PAFAH1B1: variants seen among roughly 807,000 people sequenced by gnomAD.
PAFAH1B1 encodes platelet activating factor acetylhydrolase 1b regulatory subunit 1, also known as platelet-activating factor acetylhydrolase IB subunit beta.
In PAFAH1B1, 2 loss-of-function variants were observed where a neutral mutation model predicts 57.5. The ratio of observed to expected loss-of-function variants is 0.03; its 90% CI spans 0.01 to 0.11. The LOEUF is 0.11. Among genes scored for constraint, PAFAH1B1 ranks in the 10% least tolerant of loss-of-function variants. The probability of loss-of-function intolerance (pLI) is 1.00; values close to 1 mark genes in which losing one functional copy is unlikely to be tolerated. For synonymous variants in PAFAH1B1, 152 were observed against 169.6 expected (o/e 0.90, Z 0.81); for missense variants, 257 against 512.0 (o/e 0.50, Z 4.81).
intron 2 of PAFAH1B1, among the ~76,000 whole-genome samples, chr17:2,645,823 C>G (rs529861803): frequency 2.0e-5 from 3 of 151,216 alleles, no homozygotes; most frequent in Non-Finnish European, 4.4e-5. Context: ...CCAGGATGGT[C>G]TCACTCTCCT....
At chr17:2,603,157 A>G (rs1382980629) in intron 1 of PAFAH1B1, among the ~76,000 whole-genome samples, 1 of 152,036 alleles carries the variant, frequency 6.6e-6, no homozygotes, top group East Asian at 1.9e-4. Context: ...ACATTTTGAC[A>G]AAAGAATGAT....
At chr17:2,599,062 A>G (rs746970831) in intron 1 of PAFAH1B1, among the ~76,000 whole-genome samples, 1 of 152,224 alleles carries the variant, frequency 6.6e-6, no homozygotes, top group Non-Finnish European at 1.5e-5. Context: ...AGATAGGACT[A>G]ATCTGCATTT....
intron 1 of PAFAH1B1, among the ~76,000 whole-genome samples, chr17:2,610,595 A>C (rs2068256784): frequency 6.6e-6 from 1 of 152,234 alleles, no homozygotes; most frequent in African/African-American, 2.4e-5. Context: ...CTTGGGCTAC[A>C]CATAAAATAC....
At chr17:2,629,984 T>C (rs2068535566) in intron 1 of PAFAH1B1, among the ~76,000 whole-genome samples, 1 of 152,176 alleles carries the variant, frequency 6.6e-6, no homozygotes, top group African/African-American at 2.4e-5. Flanking sequence ...CCTTATGCTT[T>C]AGGTGAGTCT....
chr17:2,601,740 C>T (rs1048536379), intron 1 of PAFAH1B1, among the ~76,000 whole-genome samples: 2 of 152,160 alleles, frequency 1.3e-5, no homozygotes, highest in African/African-American at 4.8e-5. Flanking sequence ...CGGCGCCCGG[C>T]CTAATTTTTC....
intron 2 of PAFAH1B1, chr17:2,659,520 CAAAAAAAAA>C: frequency 4.7e-4 from 19 of 40,096 alleles, no homozygotes; most frequent in South Asian, 1.5e-3. Flanking sequence ...ACTGCCTCGC[CAAAAAAAAA>C]AAAAAAAAAA....
intron 1 of PAFAH1B1, among the ~76,000 whole-genome samples, chr17:2,625,533 A>C (rs1342117869): frequency 6.6e-6 from 1 of 152,238 alleles, no homozygotes; most frequent in Non-Finnish European, 1.5e-5. Flanking sequence ...GGTAGTATGA[A>C]AATATTGCCT....
At chr17:2,652,271 C>T (rs368850845) in intron 2 of PAFAH1B1, among the ~76,000 whole-genome samples, 3 of 151,962 alleles carry the variant, frequency 2.0e-5, no homozygotes, top group South Asian at 2.1e-4. Flanking sequence ...AAAAATTGGC[C>T]GGGCGTGGTG....
At chr17:2,661,717 T>C (rs1468679312) in intron 2 of PAFAH1B1, among the ~76,000 whole-genome samples, 1 of 152,206 alleles carries the variant, frequency 6.6e-6, no homozygotes, top group Admixed American at 6.5e-5. Context: ...CCTTGTTTTT[T>C]CTTCATATGA....
At chr17:2,643,722 G>A (rs1440952864) in intron 2 of PAFAH1B1, among the ~76,000 whole-genome samples, 3 of 151,870 alleles carry the variant, frequency 2.0e-5, no homozygotes, top group South Asian at 4.1e-4. Flanking sequence ...ACCACACCCC[G>A]CTAATTTTTT....
In PAFAH1B1 at chr17:2,674,210, G is replaced by A. The variant is rs1036610023; in HGVS notation, c.822G>A (p.Glu274=). 2 of 1,614,082 alleles carry A rather than the reference G, an allele frequency of 1.2e-6. No individual in the cohort carries two copies. Among genetic ancestry groups the A allele is most frequent in the African/African-American group, 1.3e-5 (1 of 75,056 alleles). ...ATKECKAELR[E]HEHVVECISW... The stretch of plus-strand genomic sequence containing the variant: ...AGGAATGCAAGGCTGAGCTCCGAGA[G>A]CATGAGCATGTGGTAGAATGCATTT... Residue 274 remains glutamate, a synonymous_variant, in exon 8 of 11, where the codon GAG becomes GAA. Transcript: ENST00000397195.
intron 2 of PAFAH1B1, among the ~76,000 whole-genome samples, chr17:2,650,986 A>C (rs1356713653): frequency 6.6e-6 from 1 of 152,188 alleles, no homozygotes; most frequent in African/African-American, 2.4e-5. Context: ...ATATTTGGGA[A>C]GACCTTCGCT....
intron 4 of PAFAH1B1, 93 bp downstream of exon 4, chr17:2,666,183 T>A: frequency 8.8e-7 from 1 of 1,132,554 alleles, no homozygotes; most frequent in Middle Eastern, 3.2e-4. Flanking sequence ...TAATTGCATC[T>A]AATCTTTAAA....
At chr17:2,597,024 G>A (rs186038258) in intron 1 of PAFAH1B1, among the ~76,000 whole-genome samples, 108 of 152,224 alleles carry the variant, frequency 7.1e-4, no homozygotes, top group Non-Finnish European at 1.4e-3. Context: ...TCGTGCCACT[G>A]TACTCCAGCC....
chr17:2,612,970 G>T (rs2068283983), intron 1 of PAFAH1B1, among the ~76,000 whole-genome samples: 1 of 148,608 alleles, frequency 6.7e-6, no homozygotes, highest in South Asian at 2.1e-4. Flanking sequence ...TCAATTTTTA[G>T]TGGTCGAAAA....
intron 1 of PAFAH1B1, among the ~76,000 whole-genome samples, chr17:2,624,365 A>G (rs1053225734): frequency 9.2e-5 from 14 of 152,172 alleles, no homozygotes; most frequent in Middle Eastern, 3.4e-3. Context: ...TCCGCGTTCT[A>G]CTGTTACCAG....
chr17:2,678,833 C>A (rs1424872474), intron 9 of PAFAH1B1, among the ~76,000 whole-genome samples: 1 of 152,134 alleles, frequency 6.6e-6, no homozygotes, highest in African/African-American at 2.4e-5. Flanking sequence ...TTTAGTGAGC[C>A]GTGATCATGC....
Position 2,603,894 on chromosome 17 carries a change from C to T in PAFAH1B1, c.-191+9888C>T, listed in dbSNP as rs562802973. On this transcript the variant is annotated intron_variant, in intron 1 of 10. Transcript: ENST00000397195. ...CTGGGATTACAGGCATGCGCAACCA[C>T]GCGCGGCTAATTTTTGTATTTTTAG... Among the ~76,000 whole-genome samples, 267 of 151,956 alleles carry T rather than the reference C, an allele frequency of 1.8e-3. 1 individual carries two copies. Among genetic ancestry groups the T allele is most frequent in the African/African-American group, 6.0e-3 (250 of 41,452 alleles).
chr17:2,600,789 G>C (rs1479860342), intron 1 of PAFAH1B1, among the ~76,000 whole-genome samples: 2 of 151,920 alleles, frequency 1.3e-5, no homozygotes, highest in South Asian at 2.1e-4. Context: ...TAGTACAGTG[G>C]CGCGATCTCG....
Sources: allele counts gnomAD v4.1 joint callset (sites outside exome capture counted in the v4.1 genomes callset), GRCh38; gene constraint gnomAD v4.1.1; transcripts MANE v1.5; gene names NCBI Gene and HGNC (gene_info 2026-07-23, HGNC 2026-07-21).